MOV10: variants seen among roughly 807,000 people sequenced by gnomAD.
MOV10 encodes RNA helicase MOV-10.
MOV10 carries 39 observed loss-of-function variants against 108.4 expected under a neutral mutation model. That is an observed-to-expected ratio of 0.36 (90% confidence interval 0.28 to 0.47). The LOEUF (loss-of-function observed/expected upper bound fraction) is 0.47. Among genes scored for constraint, MOV10 ranks in the 20% least tolerant of loss-of-function variants. MOV10 has a pLI of 1.00. For missense variants in MOV10, 952 were observed against 1,297.6 expected, an observed-to-expected ratio of 0.73 and a Z score of 4.09; for synonymous variants, 490 against 523.1, an observed-to-expected ratio of 0.94 and a Z score of 0.86.
chr1:112,686,027 T>G (rs2101319719), intron 2 of MOV10, among the ~76,000 whole-genome samples: 1 of 152,326 alleles, frequency 6.6e-6, no homozygotes, highest in South Asian at 2.1e-4. Context: ...CATTCCCTAC[T>G]GGCCCCGTTC....
At chr1:112,699,404 A>G (rs1253833094) in intron 17 of MOV10, 3 of 1,200,356 alleles carry the variant, frequency 2.5e-6, no homozygotes, top group Non-Finnish European at 2.1e-6. Context: ...GGAAAGTTTG[A>G]AAGTCACTGC....
intron 12 of MOV10, 39 bp downstream of exon 12, chr1:112,696,290 GTAAT>G (rs1466029811): frequency 3.3e-6 from 5 of 1,500,782 alleles, no homozygotes; most frequent in Non-Finnish European, 3.7e-6. Context: ...AATCGTAAGT[GTAAT>G]TAAAGGGGTA....
chr1:112,689,361 T>C, intron 3 of MOV10, 54 bp from the exon 4 acceptor site: 1 of 1,516,790 alleles, frequency 6.6e-7, no homozygotes, highest in Non-Finnish European at 9.1e-7. Context: ...CCAGGGTAAC[T>C]CCCCAGTCAG....
rs760235539 is a variant in MOV10, at chr1:112,698,543, G to A, written c.2508+65G>A. ...CCAGATGGTACCTCCTTAATATCCA[G>A]ACCACTAGGCAGAGGCTCCAGGAGC... On this transcript the variant is annotated intron_variant, in intron 16 of 20. Transcript: ENST00000369645. 8 of 1,548,772 alleles carry A rather than the reference G, an allele frequency of 5.2e-6. No individual in the cohort carries two copies. The Admixed American group carries it at 1.4e-4, about 27-fold the overall frequency.
intron 14 of MOV10, among the ~76,000 whole-genome samples, chr1:112,697,437 T>TCTA (rs1158582441): frequency 6.6e-6 from 1 of 152,112 alleles, no homozygotes; most frequent in Non-Finnish European, 1.5e-5. Flanking sequence ...GCTACTGCAG[T>TCTA]CTAGCCTGGG....
At chr1:112,682,921 C>CTTT (rs36031191) in intron 2 of MOV10, among the ~76,000 whole-genome samples, 4 of 137,308 alleles carry the variant, frequency 2.9e-5, no homozygotes, top group Admixed American at 7.4e-5. Flanking sequence ...CTAGGAACAT[C>CTTT]TTTTTTTTTT....
Position 112,675,003 on chromosome 1 carries a change from G to A in MOV10, c.91G>A (p.Asp31Asn), listed in dbSNP as rs1672066291. 5 of 1,584,574 alleles carry A rather than the reference G, an allele frequency of 3.2e-6. No individual in the cohort carries two copies. The highest frequency in any genetic ancestry group is 4.3e-6 in the Non-Finnish European group (5 of 1,166,424). The change falls in exon 2 of 21, where the codon GAT becomes AAT. Residue 31 changes from aspartate (D) to asparagine (N), a missense_variant. This residue lies in a region of MOV10 where 374 missense variants were observed against 468.6 expected (regional missense o/e 0.80). Transcript: ENST00000369645. This position sits in a 1 kb window ranked among gnomAD's most constrained non-coding sequence, Gnocchi z 4.7. ...CGTTCGGGGACTGGACATGGAGACA[G>A]ATCGCGAGCGGCTGCGGACCATTTA... ...LVVRGLDMET[D>N]RERLRTIYNR...
chr1:112,696,077 A>G lies in MOV10; in HGVS notation c.1780-71A>G, dbSNP rs1570802894. On this transcript the variant is annotated intron_variant, in intron 11 of 20. Transcript: ENST00000369645. Reference sequence around the variant, plus strand: ...TAAAAATAATTGTTTGAGGGGGGGTACCCACAGCCAGAATCACGGTGGGAA... The same window carrying G: ...TAAAAATAATTGTTTGAGGGGGGGTGCCCACAGCCAGAATCACGGTGGGAA... 3 of 985,584 alleles carry G rather than the reference A, an allele frequency of 3.0e-6. No homozygotes were observed. In the Admixed American group the frequency reaches 6.0e-5, roughly 20 times the overall value. 61.1% of individuals were successfully genotyped at this position (985,584 alleles called of 1,614,324 possible).
intron 10 of MOV10, among the ~76,000 whole-genome samples, chr1:112,695,126 CTA>C (rs1210681082): frequency 6.6e-6 from 1 of 152,054 alleles, no homozygotes; most frequent in African/African-American, 2.4e-5. Context: ...GACCCTATCT[CTA>C]TGAAAAATAT....
Position 112,694,447 on chromosome 1 carries a change from C to T in MOV10, c.1296-6C>T. ...ACAAACTCTTACCACCTCTCTCTGC[C>T]CAAAGCCTCCTGAGCCGCTTTGTGG... On this transcript the variant is annotated splice_region_variant and splice_polypyrimidine_tract_variant and intron_variant, in intron 8 of 20. Coordinates refer to ENST00000369645, the MANE Select transcript of MOV10 (RefSeq NM_001321324.2). This position sits in a 1 kb window ranked among gnomAD's most constrained non-coding sequence, Gnocchi z 4.1. The T allele has an allele frequency of 6.2e-7, 1 of 1,613,892 alleles. No individual in the cohort carries two copies. Among genetic ancestry groups the T allele is most frequent in the Non-Finnish European group, 8.5e-7 (1 of 1,180,018 alleles).
Position 112,674,833 on chromosome 1 carries a change from G to A in MOV10, c.-65-15G>A. ...CCTCCTGCTGCACCCTCATCTCAGG[G>A]CCGCCAACTTCCAGCTGCAGCGGCG... On this transcript the variant is annotated splice_polypyrimidine_tract_variant and intron_variant, in intron 1 of 20. Coordinates refer to ENST00000369645, the MANE Select transcript of MOV10 (RefSeq NM_001321324.2). 1.4e-6 allele frequency: 2 copies of A among 1,444,906 alleles called. No individual in the cohort carries two copies. The highest frequency in any genetic ancestry group is 1.8e-6 in the Non-Finnish European group (2 of 1,084,764). 89.5% of individuals were successfully genotyped at this position (1,444,906 alleles called of 1,614,324 possible).
chr1:112,674,769 G>C lies in MOV10; in HGVS notation c.-66+40G>C, dbSNP rs1672043260. 4 of 757,560 alleles carry C rather than the reference G, an allele frequency of 5.3e-6. No homozygotes were observed. The South Asian group carries it at 8.0e-5, about 15-fold the overall frequency. The allele number at this position is 757,560 out of a possible 1,614,324, so 46.9% of individuals were successfully genotyped here. On this transcript the variant is annotated intron_variant, in intron 1 of 20. Coordinates refer to ENST00000369645, the MANE Select transcript of MOV10 (RefSeq NM_001321324.2). ...GAGGAGGGAAGCCTGGTGGGGAGAA[G>C]GGAGCCCGCAGGATCAGGGGTCAGA...
intron 10 of MOV10, 141 bp from the exon 11 acceptor site, chr1:112,695,275 G>A: frequency 3.8e-6 from 3 of 795,160 alleles, no homozygotes; most frequent in Non-Finnish European, 5.9e-6. Flanking sequence ...TGGCTGTGGA[G>A]CACTGTTGTA....
At chr1:112,681,518 C>G (rs1404306108) in intron 2 of MOV10, among the ~76,000 whole-genome samples, 4 of 151,972 alleles carry the variant, frequency 2.6e-5, no homozygotes, top group Non-Finnish European at 5.9e-5. Flanking sequence ...TCACATCATC[C>G]ACGTCCTACT....
At chr1:112,674,646 T>C (rs1672030988), upstream of MOV10, 3 of 334,874 alleles carry the variant, frequency 9.0e-6, no homozygotes, top group South Asian at 9.4e-5. Context: ...GGGAGGGCCC[T>C]GAGGGAGGGG....
rs1235407618 is a variant in MOV10 at position 112,688,606 on chromosome 1, A to G, written c.138-329A>G. On this transcript the variant is annotated intron_variant, in intron 2 of 20. Transcript: ENST00000369645. ...TCTGTCCCAAACAGTTTCCCCCACA[A>G]AAAGAACTTTATGTCTTTCTCTGTC... 2.6e-5 allele frequency: 32 copies of G among 1,221,928 alleles called. No individual in the cohort carries two copies. The East Asian group carries it at 5.3e-4, about 20-fold the overall frequency. 75.7% of individuals were successfully genotyped at this position (1,221,928 alleles called of 1,614,324 possible).
At chr1:112,697,657 C>T (rs1307971818) in intron 14 of MOV10, among the ~76,000 whole-genome samples, 1 of 152,136 alleles carries the variant, frequency 6.6e-6, no homozygotes, top group East Asian at 1.9e-4. Flanking sequence ...TTTGATTTAA[C>T]ACATGGTCTC....
At position 112,694,897 on chromosome 1, in the gene MOV10, G is replaced by T; in HGVS notation, c.1620+1G>T. On this transcript the variant is annotated splice_donor_variant, in intron 10 of 20. Transcript: ENST00000369645. LOFTEE classifies it high-confidence loss of function. The surrounding 1 kb of genome is among the most constrained non-coding windows in gnomAD (Gnocchi z 4.1). ...CACGTTAGTGGAGGCAATTAAGCAG[G>T]TGGGGTCTGAGCACAAACCTGGGGC... 1 of 1,613,876 alleles carries T rather than the reference G, an allele frequency of 6.2e-7. No individual in the cohort carries two copies. Among genetic ancestry groups the T allele is most frequent in the Non-Finnish European group, 8.5e-7 (1 of 1,179,846 alleles).
At chr1:112,689,233 G>A in intron 3 of MOV10, 95 bp downstream of exon 3, 1 of 1,360,120 alleles carries the variant, frequency 7.4e-7, no homozygotes, top group African/African-American at 1.4e-5. Context: ...TACACAAGTG[G>A]GAATAAGTCC....
Sources: allele counts gnomAD v4.1 joint callset (sites outside exome capture counted in the v4.1 genomes callset), GRCh38; gene constraint gnomAD v4.1.1; regional missense constraint gnomAD v4.1.1; non-coding constraint Gnocchi (gnomAD v3.1); transcripts MANE v1.5; gene names NCBI Gene and HGNC (gene_info 2026-07-23, HGNC 2026-07-21).